Variants in COL5A1 observed in about 807,000 individuals in gnomAD.
COL5A1 encodes collagen alpha-1(V) chain.
In COL5A1, 16 loss-of-function variants were observed where a neutral mutation model predicts 263.7. The observed-to-expected ratio is 0.06, with a 90% confidence interval of 0.04 to 0.09. The LOEUF is 0.09. COL5A1 is among the 10% of genes least tolerant of loss of function. The pLI, the probability that COL5A1 is intolerant of heterozygous loss-of-function variation, is 1.00. For synonymous variants in COL5A1, 1,012 were observed against 1,004.5 expected, an observed-to-expected ratio of 1.01 and a Z score of -0.14; for missense variants, 2,036 against 2,540.5, an observed-to-expected ratio of 0.80 and a Z score of 4.27.
intron 32 of COL5A1, among the ~76,000 whole-genome samples, chr9:134,792,910 CGT>C (rs948586353): frequency 1.9e-4 from 6 of 31,018 alleles, no homozygotes; most frequent in South Asian, 7.4e-4. Flanking sequence ...TGTGCACGCG[CGT>C]GTGTGTGCGC....
At chr9:134,643,149 C>G (rs77602988) in intron 1 of COL5A1, among the ~76,000 whole-genome samples, 3,222 of 152,228 alleles carry the variant, frequency 0.021, 146 homozygotes, top group African/African-American at 0.074. Context: ...CCTGGGTTCT[C>G]GAGGGTTCAA....
intron 59 of COL5A1, chr9:134,822,776 G>GC: frequency 1.6e-6 from 1 of 636,986 alleles, no homozygotes; most frequent in Non-Finnish European, 2.8e-6. Flanking sequence ...TGGTAGGCTG[G>GC]CCGGGGGCAG....
intron 54 of COL5A1, 64 bp downstream of exon 54, chr9:134,817,895 G>C: frequency 4.0e-6 from 6 of 1,497,492 alleles, no homozygotes; most frequent in Non-Finnish European, 5.5e-6. Context: ...CAGAGGGTGG[G>C]GAGTGGACAA....
Position 134,818,426 on chromosome 9 carries a change from C to T in COL5A1, c.4231-230C>T, listed in dbSNP as rs898443198. On this transcript the variant is annotated intron_variant, in intron 54 of 65. Coordinates refer to ENST00000371817, the MANE Select transcript of COL5A1 (RefSeq NM_000093.5). The surrounding 1 kb of genome is among the most constrained non-coding windows in gnomAD (Gnocchi z 6.0). ...GGCGCTGTGACACCCGGTCTGTGGT[C>T]GGCGCAGTCAGCGGAGACGGGATCC... 6.6e-6 allele frequency among the ~76,000 whole-genome samples: 1 copy of T among 152,148 alleles called. No homozygotes were observed. Among genetic ancestry groups the T allele is most frequent in the Non-Finnish European group, 1.5e-5 (1 of 68,020 alleles).
chr9:134,692,842 G>A (rs1833331597), intron 2 of COL5A1, among the ~76,000 whole-genome samples: 1 of 152,192 alleles, frequency 6.6e-6, no homozygotes, highest in South Asian at 2.1e-4. Context: ...GGAGGCTGAG[G>A]CAGGCGGATC....
intron 37 of COL5A1, among the ~76,000 whole-genome samples, chr9:134,801,235 C>T (rs1838102694): frequency 1.3e-5 from 2 of 152,250 alleles, no homozygotes; most frequent in Non-Finnish European, 2.9e-5. Context: ...GGCCCTCGCT[C>T]TTGCCTGTTT....
chr9:134,748,182 A>G (rs1315506294), intron 11 of COL5A1, among the ~76,000 whole-genome samples: 1 of 150,888 alleles, frequency 6.6e-6, no homozygotes, highest in East Asian at 2.0e-4. Context: ...ACATGCATTC[A>G]TGCATACATT....
In COL5A1 at chr9:134,680,101, T is replaced by G. The variant is rs1208699543; in HGVS notation, c.110-10811T>G. ...AGTGAGAGCAGTGACACTGTCATCTTCAGGAAGGACTACCCCGGAGGCCCT... is the reference window on the plus strand; with the variant it reads ...AGTGAGAGCAGTGACACTGTCATCTGCAGGAAGGACTACCCCGGAGGCCCT... On this transcript the variant is annotated intron_variant, in intron 1 of 65. Coordinates refer to ENST00000371817, the MANE Select transcript of COL5A1 (RefSeq NM_000093.5). The surrounding 1 kb of genome is among the most constrained non-coding windows in gnomAD (Gnocchi z 5.9). Among the ~76,000 whole-genome samples the G allele has an allele frequency of 6.6e-6, 1 of 152,088 alleles. No homozygotes were observed. The highest frequency in any genetic ancestry group is 1.5e-5 in the Non-Finnish European group (1 of 67,996).
chr9:134,756,624 G>A, intron 16 of COL5A1, 141 bp from the exon 17 acceptor site: 3 of 902,358 alleles, frequency 3.3e-6, no homozygotes, highest in Non-Finnish European at 5.5e-6. Context: ...CCTCGCAGCA[G>A]CCCGGCCACT....
At chr9:134,829,496 G>A (rs1244519298) in intron 63 of COL5A1, among the ~76,000 whole-genome samples, 1 of 133,026 alleles carries the variant, frequency 7.5e-6, no homozygotes, top group Non-Finnish European at 1.6e-5. Context: ...GGCTCCTCAC[G>A]CAGCCTCCAG....
chr9:134,804,915 G>A (rs757622053), intron 39 of COL5A1, 60 bp from the exon 40 acceptor site: 24 of 1,451,874 alleles, frequency 1.7e-5, no homozygotes, highest in Non-Finnish European at 2.2e-5. Flanking sequence ...TTCGCTCTGG[G>A]GCTGGTGAGA....
At chr9:134,840,333 T>G (rs1371292617) in intron 65 of COL5A1, among the ~76,000 whole-genome samples, 1 of 152,094 alleles carries the variant, frequency 6.6e-6, no homozygotes, top group Non-Finnish European at 1.5e-5. Context: ...GAAGTGGACA[T>G]TAGGAGGTGA....
In COL5A1 at chr9:134,809,002, CA is replaced by C. The variant is rs1169703060; in HGVS notation, c.3367-180del. The C allele has an allele frequency of 1.1e-5, 7 of 664,520 alleles. No individual in the cohort carries two copies. The East Asian group carries it at 1.6e-4, about 15-fold the overall frequency. 41.2% of individuals were successfully genotyped at this position (664,520 alleles called of 1,614,324 possible). On this transcript the variant is annotated intron_variant, in intron 42 of 65. Transcript: ENST00000371817. ...AGCGATGCACCAGAAGTTCATGGTC[CA>C]GGGGCGGGCTCAGAGTCGGCCCTCA...
intron 4 of COL5A1, among the ~76,000 whole-genome samples, chr9:134,702,663 G>A (rs1037808307): frequency 3.3e-5 from 5 of 152,236 alleles, no homozygotes; most frequent in Admixed American, 3.3e-4. Flanking sequence ...TGAGAAGAGG[G>A]CAATTCTGAA....
intron 31 of COL5A1, among the ~76,000 whole-genome samples, chr9:134,786,636 A>C (rs557750173): frequency 1.1e-3 from 163 of 152,348 alleles, no homozygotes; most frequent in Admixed American, 2.4e-3. Context: ...AACCTTTCTT[A>C]TGTGAAATCA....
At chr9:134,781,240 TTC>T (rs1837242227) in intron 28 of COL5A1, among the ~76,000 whole-genome samples, 1 of 152,242 alleles carries the variant, frequency 6.6e-6, no homozygotes, top group Admixed American at 6.5e-5. Context: ...CTGGTTTCTG[TTC>T]TTAGTGTCTG....
intron 63 of COL5A1, among the ~76,000 whole-genome samples, chr9:134,829,115 G>A (rs1839459814): frequency 7.5e-6 from 1 of 133,020 alleles, no homozygotes; most frequent in African/African-American, 2.8e-5. Context: ...CATTCCCTTG[G>A]TCCATCATTC....
chr9:134,788,810 G>T (rs1396155891), intron 31 of COL5A1, among the ~76,000 whole-genome samples: 1 of 147,188 alleles, frequency 6.8e-6, no homozygotes, highest in Non-Finnish European at 1.5e-5. Context: ...ACAGGTGGAT[G>T]AATGGAGGCA....
chr9:134,831,844 T>C lies in COL5A1; in HGVS notation c.5136+1800T>C, dbSNP rs182437175. Reference sequence around the variant, plus strand: ...CTCGTCCTGTTCCACAGAGAGTTAATGAAGGTTGGGGTGAAGGGACGACCC... The same window carrying C: ...CTCGTCCTGTTCCACAGAGAGTTAACGAAGGTTGGGGTGAAGGGACGACCC... On this transcript the variant is annotated intron_variant, in intron 64 of 65. Coordinates refer to ENST00000371817, the MANE Select transcript of COL5A1 (RefSeq NM_000093.5). 1.1e-3 allele frequency among the ~76,000 whole-genome samples: 163 copies of C among 152,302 alleles called. 1 individual carries two copies. The highest frequency in any genetic ancestry group is 3.8e-3 in the African/African-American group (159 of 41,576).
Sources: gnomAD v4.1 joint callset for allele counts (sites outside exome capture counted in the v4.1 genomes callset) on GRCh38, gnomAD v4.1.1 for gene constraint, Gnocchi (gnomAD v3.1) non-coding constraint, MANE v1.5 for transcripts, NCBI Gene and HGNC (gene_info 2026-07-23, HGNC 2026-07-21) for gene names.